The following LCORL variants were observed in gnomAD, a reference collection of about 807,000 sequenced individuals.
The protein encoded by LCORL is ligand dependent nuclear receptor corepressor like.
LCORL carries 41 observed loss-of-function variants against 141.8 expected under a neutral mutation model. The ratio of observed to expected loss-of-function variants is 0.29; its 90% CI spans 0.23 to 0.38. The LOEUF (loss-of-function observed/expected upper bound fraction) is 0.38, where lower values mean the gene tolerates loss of function less well. Among genes scored for constraint, LCORL ranks in the 10% least tolerant of loss-of-function variants. The pLI is 1.00. For synonymous variants in LCORL, 618 were observed against 694.1 expected (o/e 0.89, Z 1.72); for missense variants, 1,759 against 2,035.0 (o/e 0.86, Z 2.61).
At chr4:17,924,126 A>C (rs1411690585) in intron 4 of LCORL, among the ~76,000 whole-genome samples, 2 of 152,142 alleles carry the variant, frequency 1.3e-5, no homozygotes, top group Admixed American at 1.3e-4. Context: ...GGTGACAAAG[A>C]AATTTGGGAA....
At position 17,884,087 on chromosome 4, in the gene LCORL, T is replaced by C. The variant is rs745872784; in HGVS notation, c.776+1981A>G. 79 of 1,550,532 alleles carry C rather than the reference T, an allele frequency of 5.1e-5. No homozygotes were observed. The highest frequency in any genetic ancestry group is 6.7e-5 in the Non-Finnish European group (77 of 1,146,316). ...AAGACACAAAGGAGAGAGGTCCCCA[T>C]GTAGAAAGTAAGAGTCAACACTTGA... is the stretch of plus-strand genomic sequence containing the variant. On this transcript the variant is annotated intron_variant, in intron 6 of 7. Coordinates refer to ENST00000635767, the Ensembl canonical transcript of LCORL. The surrounding 1 kb of genome is among the most constrained non-coding windows in gnomAD (Gnocchi z 4.4).
rs560622126 is a variant in LCORL, at chr4:17,951,473, T to C, written c.430+10430A>G. Among the ~76,000 whole-genome samples, 24 of 152,328 alleles carry C rather than the reference T, an allele frequency of 1.6e-4. No homozygotes were observed. In the South Asian group the frequency reaches 4.8e-3, roughly 30 times the overall value. Reference sequence around the variant, plus strand: ...TTCTCAAAATTGTTATTATTTTAATTCCTGAAATATATTTCTCCTAAGATC... The same window carrying C: ...TTCTCAAAATTGTTATTATTTTAATCCCTGAAATATATTTCTCCTAAGATC... On this transcript the variant is annotated intron_variant, in intron 4 of 7. Transcript: ENST00000635767.
At chr4:17,842,314 G>A (rs758832065) in exon 8 of LCORL, 7 of 1,611,816 alleles carry the variant, frequency 4.3e-6, no homozygotes, top group Middle Eastern at 1.7e-4. Flanking sequence ...TTCAAGGACA[G>A]AGAAAAGTGA....
intron 1 of LCORL, among the ~76,000 whole-genome samples, chr4:17,978,385 C>T (rs1465063743): frequency 6.6e-6 from 1 of 151,994 alleles, no homozygotes; most frequent in East Asian, 1.9e-4. Flanking sequence ...TCACTTGAGA[C>T]CAAGAGTTTG....
At chr4:17,947,772 G>C (rs1001765632) in intron 4 of LCORL, among the ~76,000 whole-genome samples, 2 of 151,882 alleles carry the variant, frequency 1.3e-5, no homozygotes, top group Non-Finnish European at 2.9e-5. Flanking sequence ...TCACCAATCA[G>C]AACAGATACC....
intron 6 of LCORL, chr4:17,882,550 A>G (rs1223182005): frequency 2.0e-6 from 2 of 984,622 alleles, no homozygotes; most frequent in Non-Finnish European, 2.4e-6. Context: ...AGTTTACATT[A>G]CTGAAAGTTC....
chr4:17,973,996 C>G (rs1452856581), intron 1 of LCORL, among the ~76,000 whole-genome samples: 1 of 152,006 alleles, frequency 6.6e-6, no homozygotes, highest in Non-Finnish European at 1.5e-5. Context: ...AATGACAGTA[C>G]TAGTTCCCAT....
intron 4 of LCORL, among the ~76,000 whole-genome samples, chr4:17,937,822 G>T (rs1222082698): frequency 6.6e-6 from 1 of 152,004 alleles, no homozygotes; most frequent in Admixed American, 6.6e-5. Context: ...CAATACAATA[G>T]AACAAAATCT....
chr4:17,993,364 G>A (rs764799979), intron 1 of LCORL, among the ~76,000 whole-genome samples: 2 of 152,006 alleles, frequency 1.3e-5, no homozygotes, highest in Non-Finnish European at 2.9e-5. Flanking sequence ...CACCACAACT[G>A]GCTTAATTTT....
chr4:17,890,713 G>T (rs1728946938), intron 5 of LCORL, among the ~76,000 whole-genome samples: 1 of 151,990 alleles, frequency 6.6e-6, no homozygotes, highest in Non-Finnish European at 1.5e-5. Context: ...TTTGAACAAG[G>T]TCAGGTAATT....
intron 6 of LCORL, chr4:17,881,160 T>C (rs1727522866): frequency 3.1e-6 from 3 of 965,290 alleles, no homozygotes; most frequent in Non-Finnish European, 3.7e-6. Flanking sequence ...TTTTCCTTCT[T>C]TTTTTTTTTA....
intron 4 of LCORL, among the ~76,000 whole-genome samples, chr4:17,942,789 A>AG (rs1382931976): frequency 6.6e-6 from 1 of 152,164 alleles, no homozygotes; most frequent in Non-Finnish European, 1.5e-5. Context: ...CCCGACCCCT[A>AG]GGCCACAGAC....
At chr4:17,958,017 C>A (rs747548872) in intron 4 of LCORL, among the ~76,000 whole-genome samples, 2 of 151,862 alleles carry the variant, frequency 1.3e-5, no homozygotes, top group African/African-American at 2.4e-5. Flanking sequence ...TCAGTCATAA[C>A]CCAACTGGTT....
chr4:17,945,094 T>C (rs1738643454), intron 4 of LCORL, among the ~76,000 whole-genome samples: 1 of 152,108 alleles, frequency 6.6e-6, no homozygotes, highest in African/African-American at 2.4e-5. Flanking sequence ...CCTTATATCT[T>C]AGCAAATTAA....
exon 7 of LCORL, chr4:17,874,272 A>T (rs1392978353): frequency 8.1e-7 from 1 of 1,233,836 alleles, no homozygotes; most frequent in African/African-American, 1.6e-5. Context: ...TTTATGCAGT[A>T]TATGCAATTT....
intron 5 of LCORL, among the ~76,000 whole-genome samples, chr4:17,897,497 C>T (rs1730172298): frequency 6.6e-6 from 1 of 151,610 alleles, no homozygotes; most frequent in Non-Finnish European, 1.5e-5. Flanking sequence ...TTTGGTTGTC[C>T]TGAAACACAA....
chr4:17,905,700 GGATA>G (rs1406876918), intron 5 of LCORL, among the ~76,000 whole-genome samples: 4 of 151,888 alleles, frequency 2.6e-5, no homozygotes, highest in Non-Finnish European at 4.4e-5. Flanking sequence ...CATCATTTAT[GGATA>G]GATTATCTAT....
chr4:17,950,665 C>T (rs191309310), intron 4 of LCORL, among the ~76,000 whole-genome samples: 71 of 152,098 alleles, frequency 4.7e-4, no homozygotes, highest in Non-Finnish European at 5.7e-4. Context: ...TTACATCTTG[C>T]TAAAGGAGGC....
chr4:17,926,214 T>C (rs1427259217), intron 4 of LCORL, among the ~76,000 whole-genome samples: 1 of 152,176 alleles, frequency 6.6e-6, no homozygotes, highest in Non-Finnish European at 1.5e-5. Flanking sequence ...GATTGAAGGA[T>C]GCAAAGTATT....
Sources: allele counts gnomAD v4.1 joint callset (sites outside exome capture counted in the v4.1 genomes callset), GRCh38; gene constraint gnomAD v4.1.1; non-coding constraint Gnocchi (gnomAD v3.1); transcripts MANE v1.5; gene names NCBI Gene and HGNC (gene_info 2026-07-23, HGNC 2026-07-21).